AMDHD1: variants seen among roughly 807,000 people sequenced by gnomAD.
AMDHD1 encodes the protein amidohydrolase domain containing 1.
AMDHD1 carries 45 observed loss-of-function variants against 44.1 expected under a neutral mutation model. The observed-to-expected ratio is 1.02, with a 90% confidence interval of 0.80 to 1.31. The LOEUF (loss-of-function observed/expected upper bound fraction) is 1.31. Ranked by LOEUF, AMDHD1 falls within the 50% of genes most tolerant of loss-of-function variation. The probability of loss-of-function intolerance (pLI) is 0.00; values close to 1 mark genes in which losing one functional copy is unlikely to be tolerated. For synonymous variants in AMDHD1, 206 were observed against 205.0 expected (o/e 1.00, Z -0.04); for missense variants, 586 against 552.1 (o/e 1.06, Z -0.61).
At position 95,960,444 on chromosome 12, in the gene AMDHD1, C is replaced by T. The variant is rs757309974; in HGVS notation, c.634C>T (p.Leu212Phe). 2 of 1,614,186 alleles carry T rather than the reference C, an allele frequency of 1.2e-6. No individual in the cohort carries two copies. Among genetic ancestry groups the T allele is most frequent in the Non-Finnish European group, 1.7e-6 (2 of 1,180,042 alleles). ...EAADDIINNH[L>F]PKLKELGRNG... ...TGCTGATGACATCATCAATAACCAC[C>T]TCCCAAAGCTGAAGGAACTTGGCAG... is the stretch of plus-strand genomic sequence containing the variant. The change falls in exon 5 of 9, where the codon CTC becomes TTC. Residue 212 changes from leucine (L) to phenylalanine (F), a missense_variant. By Grantham distance (22) the Leu-to-Phe change is conservative. Coordinates refer to ENST00000266736, the MANE Select transcript of AMDHD1 (RefSeq NM_152435.3).
intron 8 of AMDHD1, among the ~76,000 whole-genome samples, chr12:95,967,092 C>CA (rs2080615138): frequency 6.6e-6 from 1 of 152,170 alleles, no homozygotes; most frequent in Non-Finnish European, 1.5e-5. Context: ...GGGGAGGCCT[C>CA]ACAATCATGG....
At position 95,964,928 on chromosome 12, in the gene AMDHD1, C is replaced by CAAAAAAAAAAAAAAAAAAAA. The variant is rs60076877; in HGVS notation, c.939-754_939-735dup. The stretch of plus-strand genomic sequence containing the variant: ...AAAGGACCTACAGAGATGTTTGAGG[C>CAAAAAAAAAAAAAAAAAAAA]AAAAAAAAAAAAAAAAAAAAAAAGA... On this transcript the variant is annotated intron_variant, in intron 6 of 8. Coordinates refer to ENST00000266736, the MANE Select transcript of AMDHD1 (RefSeq NM_152435.3). 4.5e-4 allele frequency among the ~76,000 whole-genome samples: 16 copies of CAAAAAAAAAAAAAAAAAAAA among 35,832 alleles called. 4 individuals are homozygous for CAAAAAAAAAAAAAAAAAAAA. Among genetic ancestry groups the CAAAAAAAAAAAAAAAAAAAA allele is most frequent in the African/African-American group, 1.5e-3 (11 of 7,360 alleles). 23.5% of individuals were successfully genotyped at this position (35,832 alleles called of 152,430 possible).
At chr12:95,960,107 GTAGCCT>G (rs1277143348) in intron 4 of AMDHD1, among the ~76,000 whole-genome samples, 8 of 152,054 alleles carry the variant, frequency 5.3e-5, no homozygotes, top group Non-Finnish European at 1.0e-4. Context: ...TTTCAGCCAG[GTAGCCT>G]TGCTGGCATC....
At chr12:95,960,660 C>A in intron 5 of AMDHD1, 37 bp downstream of exon 5, 1 of 1,571,176 alleles carries the variant, frequency 6.4e-7, no homozygotes, top group South Asian at 1.1e-5. Flanking sequence ...CGTCAACATT[C>A]ATTCTTGCAC....
In AMDHD1 at chr12:95,956,723, A is replaced by T. The variant is rs766298210; in HGVS notation, c.348A>T (p.Gly116=). 9.3e-6 allele frequency: 15 copies of T among 1,614,186 alleles called. No individual in the cohort carries two copies. Among genetic ancestry groups the T allele is most frequent in the Middle Eastern group, 1.7e-4 (1 of 6,060 alleles). Residue 116 remains glycine, a synonymous_variant, in exon 4 of 9, where the codon GGA becomes GGT. Coordinates refer to ENST00000266736, the MANE Select transcript of AMDHD1 (RefSeq NM_152435.3). ...GATYMEIHQA[G]GGIHFTVERT... ...CCTACATGGAAATTCACCAGGCCGG[A>T]GGAGGGATCCACTTTACCGTGGAGC... is the stretch of plus-strand genomic sequence containing the variant.
At chr12:95,947,865 C>T (rs1188145349) in intron 1 of AMDHD1, among the ~76,000 whole-genome samples, 31 of 98,498 alleles carry the variant, frequency 3.1e-4, no homozygotes, top group African/African-American at 1.0e-3. Context: ...GTGAGGGGCG[C>T]CTCTGCCCGG....
At chr12:95,946,078 T>TGTGC (rs1259629060) in intron 1 of AMDHD1, among the ~76,000 whole-genome samples, 4 of 151,844 alleles carry the variant, frequency 2.6e-5, no homozygotes, top group African/African-American at 9.7e-5. Flanking sequence ...TGTGTGTGTG[T>TGTGC]GTGTGTGTGT....
rs764809387 is a variant in AMDHD1 at position 95,956,923 on chromosome 12, G to A, written c.548G>A (p.Gly183Asp). 6.8e-6 allele frequency: 11 copies of A among 1,612,736 alleles called. No individual in the cohort carries two copies. The South Asian group carries it at 8.8e-5, about 13-fold the overall frequency. ...IERARRELDIGISATYCGAHS... is the reference protein window; with the variant it reads ...IERARRELDIDISATYCGAHS... ...CGCGCCCGGCGGGAGCTGGACATCG[G>A]CATCTCGGCTACCTACTGCGGGGCT... The change falls in exon 4 of 9, where the codon GGC (glycine) becomes GAC (aspartate). Residue 183 changes from glycine (G) to aspartate (D), a missense_variant. Physicochemically the swap from Gly to Asp is moderately conservative, Grantham distance 94. Transcript: ENST00000266736.
intron 5 of AMDHD1, among the ~76,000 whole-genome samples, chr12:95,961,144 C>CAAAAAA (rs3051622): frequency 0.055 from 7,097 of 129,496 alleles, 390 homozygotes; most frequent in South Asian, 0.18. Context: ...GACTCCATCT[C>CAAAAAA]AAAAAAAAAA....
chr12:95,944,079 G>T (rs2080480803), intron 1 of AMDHD1, among the ~76,000 whole-genome samples: 1 of 152,058 alleles, frequency 6.6e-6, no homozygotes, highest in South Asian at 2.1e-4. Flanking sequence ...AATAAATCAA[G>T]ATTTGACCAT....
At chr12:95,947,977 G>C (rs1184576438) in intron 1 of AMDHD1, among the ~76,000 whole-genome samples, 3 of 128,288 alleles carry the variant, frequency 2.3e-5, no homozygotes, top group African/African-American at 9.0e-5. Context: ...CGCCCTGTCC[G>C]GGAGGGAGGT....
intron 1 of AMDHD1, among the ~76,000 whole-genome samples, chr12:95,946,774 C>T (rs7350618): frequency 3.2e-5 from 1 of 31,612 alleles, no homozygotes; most frequent in African/African-American, 2.2e-4. Context: ...TGCAGGCACG[C>T]GCCGCCACGC....
At position 95,944,574 on chromosome 12, in the gene AMDHD1, G is replaced by A. The variant is rs142242519; in HGVS notation, c.137+1039G>A. ...TGGGACTACAGGTGCACGCCACCACGCCAGGCTAATTTTTGTATTTTTTGT... is the reference window on the plus strand; with the variant it reads ...TGGGACTACAGGTGCACGCCACCACACCAGGCTAATTTTTGTATTTTTTGT... On this transcript the variant is annotated intron_variant, in intron 1 of 8. Coordinates refer to ENST00000266736, the MANE Select transcript of AMDHD1 (RefSeq NM_152435.3). 3.8e-3 allele frequency among the ~76,000 whole-genome samples: 573 copies of A among 151,598 alleles called. 1 individual carries two copies. Among genetic ancestry groups the A allele is most frequent in the South Asian group, 8.6e-3 (41 of 4,792 alleles).
At chr12:95,962,281 A>G in intron 5 of AMDHD1, 74 bp from the exon 6 acceptor site, 1 of 1,554,140 alleles carries the variant, frequency 6.4e-7, no homozygotes, top group Non-Finnish European at 8.7e-7. Context: ...AAACAAACAA[A>G]GCAATTTAAT....
At chr12:95,964,118 G>C (rs1004202177) in intron 6 of AMDHD1, among the ~76,000 whole-genome samples, 2 of 151,844 alleles carry the variant, frequency 1.3e-5, no homozygotes, top group Non-Finnish European at 2.9e-5. Flanking sequence ...TGGTACTGGA[G>C]GGCAATTCAG....
chr12:95,962,273 A>G (rs2136768876), intron 5 of AMDHD1, 82 bp from the exon 6 acceptor site: 1 of 1,542,498 alleles, frequency 6.5e-7, no homozygotes, highest in Non-Finnish European at 8.8e-7. Context: ...CAAAAATAAA[A>G]CAAACAAAGC....
intron 8 of AMDHD1, among the ~76,000 whole-genome samples, chr12:95,967,087 G>A (rs1354905553): frequency 6.6e-6 from 1 of 152,186 alleles, no homozygotes; most frequent in African/African-American, 2.4e-5. Flanking sequence ...TGGCTGGGGA[G>A]GCCTCACAAT....
chr12:95,952,032 T>G (rs982209347), intron 1 of AMDHD1, among the ~76,000 whole-genome samples: 8 of 152,200 alleles, frequency 5.3e-5, no homozygotes, highest in Non-Finnish European at 1.0e-4. Flanking sequence ...ATTCTGTGGG[T>G]TGTTTCTTCA....
chr12:95,947,944 G>T (rs1592820672), intron 1 of AMDHD1, among the ~76,000 whole-genome samples: 1 of 132,764 alleles, frequency 7.5e-6, no homozygotes, highest in African/African-American at 2.9e-5. Context: ...GAGGTGGGGG[G>T]GTCAGCCCCC....
Sources: gnomAD v4.1 joint callset for allele counts (sites outside exome capture counted in the v4.1 genomes callset) on GRCh38, gnomAD v4.1.1 for gene constraint, MANE v1.5 for transcripts, NCBI Gene and HGNC (gene_info 2026-07-23, HGNC 2026-07-21) for gene names.